PAQR8: variants seen among roughly 807,000 people sequenced by gnomAD.
PAQR8 encodes progestin and adipoQ receptor family member 8.
PAQR8 carries 17 observed loss-of-function variants against 25.2 expected under a neutral mutation model. That is an observed-to-expected ratio of 0.67 (90% CI 0.46 to 1.01). PAQR8 has a LOEUF of 1.01. PAQR8 is among the 50% of genes least tolerant of loss of function. PAQR8 has a pLI of 0.00. For synonymous variants in PAQR8, 204 were observed against 190.6 expected (o/e 1.07, Z -0.58); for missense variants, 392 against 448.4 (o/e 0.87, Z 1.14).
chr6:52,394,210 G>A (rs1001267718), intron 1 of PAQR8, among the ~76,000 whole-genome samples: 20 of 152,184 alleles, frequency 1.3e-4, no homozygotes, highest in African/African-American at 3.4e-4. Context: ...GGTGATAGGA[G>A]ACGTGCCCAG....
intron 1 of PAQR8, among the ~76,000 whole-genome samples, chr6:52,402,896 C>G (rs1037797883): frequency 1.3e-5 from 2 of 152,038 alleles, no homozygotes; most frequent in African/African-American, 4.8e-5. Flanking sequence ...CTGTACATAG[C>G]GACACCCCTG....
intron 1 of PAQR8, among the ~76,000 whole-genome samples, chr6:52,366,401 T>G (rs925352124): frequency 4.6e-5 from 7 of 152,310 alleles, no homozygotes; most frequent in African/African-American, 9.6e-5. Context: ...AACAAAAGCT[T>G]CTTCTCCTAA....
intron 1 of PAQR8, among the ~76,000 whole-genome samples, chr6:52,367,014 G>A (rs777231785): frequency 6.6e-6 from 1 of 152,178 alleles, no homozygotes; most frequent in Non-Finnish European, 1.5e-5. Flanking sequence ...AAAGTGCTGG[G>A]ATTACAGGCG....
chr6:52,406,388 T>G lies in PAQR8; in HGVS notation c.*2110T>G. 2.4e-6 allele frequency: 1 copy of G among 412,348 alleles called. No homozygotes were observed. Among genetic ancestry groups the G allele is most frequent in the Non-Finnish European group, 4.4e-6 (1 of 225,548 alleles). The allele number at this position is 412,348 out of a possible 1,614,324, so 25.5% of individuals were successfully genotyped here. Reference sequence around the variant, plus strand: ...GAGATCTTTAGTTCAAATCCACGTATTTTTTAAAAGAGAGAACCGGAGGTA... The same window carrying G: ...GAGATCTTTAGTTCAAATCCACGTAGTTTTTAAAAGAGAGAACCGGAGGTA... On this transcript the variant is annotated 3_prime_UTR_variant, in exon 2 of 2. Transcript: ENST00000442253.
chr6:52,364,083 G>GGTTTTTTTTT (rs1763322237), intron 1 of PAQR8, among the ~76,000 whole-genome samples: 1 of 84,268 alleles, frequency 1.2e-5, no homozygotes, highest in Non-Finnish European at 2.2e-5. Flanking sequence ...TGAAAGATAT[G>GGTTTTTTTTT]TTTTTTTTTT....
intron 1 of PAQR8, among the ~76,000 whole-genome samples, chr6:52,388,066 A>G (rs951096419): frequency 3.3e-5 from 5 of 152,176 alleles, no homozygotes; most frequent in Admixed American, 6.5e-5. Context: ...ATTTCCTTAT[A>G]TATTATAATG....
chr6:52,370,263 AG>A (rs1375321005), intron 1 of PAQR8, among the ~76,000 whole-genome samples: 1 of 152,008 alleles, frequency 6.6e-6, no homozygotes, highest in East Asian at 1.9e-4. Context: ...GACACTTGGG[AG>A]GGAGAGGGAG....
At chr6:52,364,839 C>T (rs898964157) in intron 1 of PAQR8, among the ~76,000 whole-genome samples, 2 of 152,158 alleles carry the variant, frequency 1.3e-5, no homozygotes, top group Non-Finnish European at 2.9e-5. Context: ...CAGTTGGTCC[C>T]TGAATAACAC....
In PAQR8 at chr6:52,362,690, C is replaced by G. The variant is rs1458110193; in HGVS notation, c.-53+441C>G. Among the ~76,000 whole-genome samples the G allele has an allele frequency of 6.6e-6, 1 of 152,124 alleles. No homozygotes were observed. Among genetic ancestry groups the G allele is most frequent in the Admixed American group, 6.5e-5 (1 of 15,286 alleles). On this transcript the variant is annotated intron_variant, in intron 1 of 1. Coordinates refer to ENST00000442253, the MANE Select transcript of PAQR8 (RefSeq NM_133367.5). This position sits in a 1 kb window ranked among gnomAD's most constrained non-coding sequence, Gnocchi z 4.1. Reference sequence around the variant, plus strand: ...TCCGACAGGGCAGAACGAGGGGCGTCCTGTCCGCATTTGTGGGGCGCCCTC... The same window carrying G: ...TCCGACAGGGCAGAACGAGGGGCGTGCTGTCCGCATTTGTGGGGCGCCCTC...
chr6:52,363,847 A>G (rs1464068215), intron 1 of PAQR8, among the ~76,000 whole-genome samples: 4 of 151,068 alleles, frequency 2.6e-5, no homozygotes, highest in African/African-American at 9.8e-5. Flanking sequence ...CCAAGTGTGT[A>G]TCTAAAAACA....
At position 52,362,819 on chromosome 6, in the gene PAQR8, C is replaced by T. The variant is rs946085436; in HGVS notation, c.-53+570C>T. Among the ~76,000 whole-genome samples the T allele has an allele frequency of 2.0e-5, 3 of 152,062 alleles. No individual in the cohort carries two copies. The highest frequency in any genetic ancestry group is 4.1e-4 in the South Asian group (2 of 4,822). ...AGGGCAGCCCGAGGTAGGGGAACCCCGGAAAGAGTAGGGTGGGTCTAGGCA... is the reference window on the plus strand; with the variant it reads ...AGGGCAGCCCGAGGTAGGGGAACCCTGGAAAGAGTAGGGTGGGTCTAGGCA... On this transcript the variant is annotated intron_variant, in intron 1 of 1. Coordinates refer to ENST00000442253, the MANE Select transcript of PAQR8 (RefSeq NM_133367.5). The surrounding 1 kb of genome is among the most constrained non-coding windows in gnomAD (Gnocchi z 4.1).
chr6:52,400,890 G>A (rs932252956), intron 1 of PAQR8, among the ~76,000 whole-genome samples: 2 of 152,174 alleles, frequency 1.3e-5, no homozygotes, highest in Admixed American at 1.3e-4. Context: ...CTAGTACCTA[G>A]CACAGAGCCC....
chr6:52,406,156 T>G lies in PAQR8; in HGVS notation c.*1878T>G. 4.7e-6 allele frequency: 1 copy of G among 210,698 alleles called. No individual in the cohort carries two copies. The highest frequency in any genetic ancestry group is 1.0e-5 in the Non-Finnish European group (1 of 97,284). 13.1% of individuals were successfully genotyped at this position (210,698 alleles called of 1,614,324 possible). On this transcript the variant is annotated 3_prime_UTR_variant, in exon 2 of 2. Transcript: ENST00000442253. ...ATAAAATTAGCAAAACTGAACTGGG[T>G]TGAACTGAACAAGAGGATGGGGGAA...
intron 1 of PAQR8, among the ~76,000 whole-genome samples, chr6:52,387,039 TCTCA>T (rs1763640719): frequency 6.6e-6 from 1 of 151,790 alleles, no homozygotes; most frequent in African/African-American, 2.4e-5. Flanking sequence ...TGAGACGGAG[TCTCA>T]CTCTGTCACC....
chr6:52,367,742 A>G (rs1763370177), intron 1 of PAQR8, among the ~76,000 whole-genome samples: 1 of 152,124 alleles, frequency 6.6e-6, no homozygotes. Context: ...AGGAAAGATG[A>G]GGATGGAGGA....
rs1763881048 is a variant in PAQR8, at chr6:52,404,235, T to C, written c.1022T>C (p.Leu341Pro). ...AACSAATAAL[L>P]RHKVKARLTK... ...TGCAGTGCTGCCACCGCAGCCCTTC[T>C]GAGGCACAAAGTCAAGGCCAGACTG... is the stretch of plus-strand genomic sequence containing the variant. Residue 341 changes from leucine to proline, a missense_variant, in exon 2 of 2, where the codon CTG becomes CCG. Leu to Pro is a moderately conservative substitution (Grantham distance 98, BLOSUM62 -3). Transcript: ENST00000442253. 11 of 1,612,502 alleles carry C rather than the reference T, an allele frequency of 6.8e-6. No individual in the cohort carries two copies. Among genetic ancestry groups the C allele is most frequent in the Non-Finnish European group, 9.3e-6 (11 of 1,178,810 alleles).
intron 1 of PAQR8, among the ~76,000 whole-genome samples, chr6:52,387,119 T>C (rs1763642086): frequency 6.6e-6 from 1 of 152,148 alleles, no homozygotes; most frequent in African/African-American, 2.4e-5. Context: ...TTACTACTTC[T>C]AATTACAGAA....
chr6:52,403,293 A>G lies in PAQR8; in HGVS notation c.80A>G (p.Glu27Gly). Residue 27 changes from glutamate (E) to glycine (G), a missense_variant, in exon 2 of 2, where the codon GAG (glutamate) becomes GGG (glycine). Physicochemically the swap from Glu to Gly is moderately conservative, Grantham distance 98. Transcript: ENST00000442253. ...QQLRRLPKIL[E>G]DGLPKMPCTV... ...CTGCGCCGCCTGCCCAAGATCCTGG[A>G]GGATGGGCTTCCCAAGATGCCTTGC... 6.2e-7 allele frequency: 1 copy of G among 1,613,906 alleles called. No homozygotes were observed. The highest frequency in any genetic ancestry group is 8.5e-7 in the Non-Finnish European group (1 of 1,179,834).
At chr6:52,379,115 AAAAG>A (rs1763521573) in intron 1 of PAQR8, among the ~76,000 whole-genome samples, 3 of 151,692 alleles carry the variant, frequency 2.0e-5, no homozygotes, top group African/African-American at 2.4e-5. Context: ...AAAAAAAAAA[AAAAG>A]GAAATTCTGG....
Sources: allele counts gnomAD v4.1 joint callset (sites outside exome capture counted in the v4.1 genomes callset), GRCh38; gene constraint gnomAD v4.1.1; non-coding constraint Gnocchi (gnomAD v3.1); transcripts MANE v1.5; gene names NCBI Gene and HGNC (gene_info 2026-07-23, HGNC 2026-07-21).